IFI16: variants seen among roughly 807,000 people sequenced by gnomAD.
The protein encoded by IFI16 is interferon gamma inducible protein 16, also known as gamma-interferon-inducible protein 16.
IFI16 carries 49 observed loss-of-function variants against 68.4 expected under a neutral mutation model. The observed-to-expected ratio is 0.72, with a 90% confidence interval of 0.57 to 0.91. The LOEUF is 0.91. IFI16 is among the 40% of genes least tolerant of loss of function. The probability of loss-of-function intolerance (pLI) is 0.00; values close to 1 mark genes in which losing one functional copy is unlikely to be tolerated. For synonymous variants in IFI16, 307 were observed against 315.0 expected (o/e 0.97, Z 0.27); for missense variants, 878 against 942.9 (o/e 0.93, Z 0.90).
At chr1:159,031,518 G>A (rs1571864595) in intron 6 of IFI16, among the ~76,000 whole-genome samples, 1 of 152,292 alleles carries the variant, frequency 6.6e-6, no homozygotes, top group East Asian at 1.9e-4. Context: ...TCTTCCCGCT[G>A]CTTCCTCTAC....
intron 1 of IFI16, among the ~76,000 whole-genome samples, chr1:159,012,150 T>C (rs1449832942): frequency 6.6e-6 from 1 of 152,216 alleles, no homozygotes; most frequent in Non-Finnish European, 1.5e-5. Flanking sequence ...AGATGTTTTC[T>C]TGTGGTATGA....
rs902229712 is a variant in IFI16, at chr1:159,050,950, C to G, written c.1666-729C>G. On this transcript the variant is annotated intron_variant, in intron 9 of 11. Coordinates refer to ENST00000295809, the MANE Select transcript of IFI16 (RefSeq NM_001376587.1). ...TTTGCAATTTGGTTCTTTAAAATGC[C>G]CCTATCTACTAGAATGAGTTCCAAC... Among the ~76,000 whole-genome samples, 8 of 152,108 alleles carry G rather than the reference C, an allele frequency of 5.3e-5. No individual in the cohort carries two copies. In the East Asian group the frequency reaches 1.2e-3, roughly 22 times the overall value.
chr1:159,021,764 GT>G (rs1164558831), intron 6 of IFI16, among the ~76,000 whole-genome samples: 1 of 152,042 alleles, frequency 6.6e-6, no homozygotes, highest in Non-Finnish European at 1.5e-5. Flanking sequence ...GCCAGCGTCT[GT>G]TTTTTAAAAT....
At chr1:159,036,509 T>A (rs1654337517) in intron 7 of IFI16, among the ~76,000 whole-genome samples, 1 of 152,232 alleles carries the variant, frequency 6.6e-6, no homozygotes, top group South Asian at 2.1e-4. Context: ...AAATCCAGCC[T>A]TAATGAACTC....
intron 2 of IFI16, 76 bp downstream of exon 2, chr1:159,015,021 C>T (rs1428159766): frequency 3.0e-6 from 4 of 1,341,178 alleles, no homozygotes; most frequent in Admixed American, 2.3e-5. Flanking sequence ...AGCCCCACCT[C>T]GGACATACTT....
intron 6 of IFI16, among the ~76,000 whole-genome samples, chr1:159,031,739 T>C (rs549814540): frequency 1.3e-5 from 2 of 152,304 alleles, no homozygotes; most frequent in African/African-American, 2.4e-5. Context: ...AACGTGCCAT[T>C]TTGAATATTC....
rs1652452821 is a variant in IFI16 at position 159,010,089 on chromosome 1, A to T, written c.-93A>T. On this transcript the variant is annotated 5_prime_UTR_variant, in exon 1 of 12. Coordinates refer to ENST00000295809, the MANE Select transcript of IFI16 (RefSeq NM_001376587.1). ...TTTACTGATTTATCTCCCCCCTCAC[A>T]CAAATAAGCATTGATTCCTGCATTT... The T allele has an allele frequency of 1.3e-5, 2 of 151,076 alleles. No individual in the cohort carries two copies. The highest frequency in any genetic ancestry group is 2.9e-5 in the Non-Finnish European group (2 of 68,016). 9.4% of individuals were successfully genotyped at this position (151,076 alleles called of 1,614,324 possible). A position where few individuals can be genotyped will look rare whatever the true frequency, so the allele number is the denominator to read the frequency against.
intron 1 of IFI16, among the ~76,000 whole-genome samples, chr1:159,014,106 G>A (rs1317396181): frequency 6.6e-6 from 1 of 152,190 alleles, no homozygotes. Flanking sequence ...ACAGAGAACA[G>A]AAGCCATGGT....
intron 4 of IFI16, among the ~76,000 whole-genome samples, chr1:159,017,277 G>A (rs1034843325): frequency 6.6e-6 from 1 of 152,168 alleles, no homozygotes; most frequent in African/African-American, 2.4e-5. Flanking sequence ...AGTTTCTGCA[G>A]CCTGAACCTA....
At chr1:159,052,265 G>T (rs547902942) in intron 10 of IFI16, 167 bp downstream of exon 10, 3 of 597,212 alleles carry the variant, frequency 5.0e-6, no homozygotes, top group East Asian at 5.5e-5. Context: ...AGGATATGGG[G>T]TACGTTATAT....
intron 5 of IFI16, among the ~76,000 whole-genome samples, chr1:159,019,294 C>T (rs1478627973): frequency 2.0e-5 from 3 of 151,046 alleles, no homozygotes; most frequent in Non-Finnish European, 4.4e-5. Flanking sequence ...AGTGCTTTTC[C>T]TGATATGTTC....
chr1:159,047,022 G>A (rs928326458), intron 8 of IFI16, among the ~76,000 whole-genome samples: 2 of 151,088 alleles, frequency 1.3e-5, no homozygotes, highest in East Asian at 3.9e-4. Flanking sequence ...ACCTCTGTAT[G>A]ACCTACAATC....
rs150530971 is a variant in IFI16 at position 159,014,531 on chromosome 1, C to A, written c.-20-130C>A. On this transcript the variant is annotated intron_variant, in intron 1 of 11. Transcript: ENST00000295809. The stretch of plus-strand genomic sequence containing the variant: ...CAATTTCTACAGTAACACATTTGGT[C>A]GTTGAGTCCTTCTTTATCACACATA... 296 of 544,936 alleles carry A rather than the reference C, an allele frequency of 5.4e-4. 2 individuals are homozygous for A. In the East Asian group the frequency reaches 8.4e-3, roughly 15 times the overall value. 33.8% of individuals were successfully genotyped at this position (544,936 alleles called of 1,614,324 possible). A position where few individuals can be genotyped will look rare whatever the true frequency, so the allele number is the denominator to read the frequency against.
At chr1:159,042,448 T>C (rs2814771) in intron 7 of IFI16, among the ~76,000 whole-genome samples, 122,502 of 152,154 alleles carry the variant, frequency 0.81, 50,093 homozygotes, top group Admixed American at 0.9. Flanking sequence ...CTTTCTCCTT[T>C]GCTCTCTCAC....
chr1:159,053,790 C>A, intron 11 of IFI16, 66 bp downstream of exon 11: 2 of 1,218,706 alleles, frequency 1.6e-6, no homozygotes, highest in Non-Finnish European at 1.2e-6. Context: ...TTTAAGAAGA[C>A]TAGACTGCTA....
At chr1:159,053,081 G>T (rs1329166510) in intron 10 of IFI16, 2 of 153,410 alleles carry the variant, frequency 1.3e-5, no homozygotes, top group Non-Finnish European at 2.9e-5. Flanking sequence ...GGAGAAGAAA[G>T]AAGTAGTTAC....
rs1401500663 is a variant in IFI16 at position 159,053,721 on chromosome 1, C to G, written c.2274C>G (p.Ile758Met). The G allele has an allele frequency of 6.2e-7, 1 of 1,611,656 alleles. No individual in the cohort carries two copies. The highest frequency in any genetic ancestry group is 1.7e-5 in the Admixed American group (1 of 59,940). The change falls in exon 11 of 12, where the codon ATC (isoleucine) becomes ATG (methionine). Residue 758 changes from isoleucine to methionine, a missense_variant. Around this residue, in one of 4 missense-constraint regions of IFI16, gnomAD observed 311 missense variants for 305.1 expected, o/e 1.02. Coordinates refer to ENST00000295809, the MANE Select transcript of IFI16 (RefSeq NM_001376587.1). ...TGAGATCTGTAATTCATAGTCACAT[C>G]AAGGTTGGAACTTTATAGGAACATC... ...GELRSVIHSH[I>M]KVIKTRKNKK...
rs1653233392 is a variant in IFI16, at chr1:159,020,383, G to A, written c.1015G>A (p.Asp339Asn). The A allele has an allele frequency of 6.2e-7, 1 of 1,612,400 alleles. No homozygotes were observed. The highest frequency in any genetic ancestry group is 8.5e-7 in the Non-Finnish European group (1 of 1,179,174). Reference sequence around the variant, plus strand: ...GACCACAATCTACGAAATTCAGGATGATAGAGGAAAAATGGATGTAGTGGG... The same window carrying A: ...GACCACAATCTACGAAATTCAGGATAATAGAGGAAAAATGGATGTAGTGGG... ...QKTTIYEIQD[D>N]RGKMDVVGTG... is the part of the protein sequence containing the mutation. The change falls in exon 6 of 12, where the codon GAT (aspartate) becomes AAT (asparagine). Residue 339 changes from aspartate to asparagine, a missense_variant. By Grantham distance (23) the Asp-to-Asn change is conservative (BLOSUM62 1). Around this residue, in one of 4 missense-constraint regions of IFI16, gnomAD observed 443 missense variants for 421.8 expected, o/e 1.05. Coordinates refer to ENST00000295809, the MANE Select transcript of IFI16 (RefSeq NM_001376587.1).
chr1:159,000,972 G>A (rs149539206), upstream of IFI16, among the ~76,000 whole-genome samples: 16 of 152,314 alleles, frequency 1.1e-4, no homozygotes, highest in East Asian at 2.9e-3. Context: ...TCAATATGTT[G>A]AGGTAGGGGA....
Sources: gnomAD v4.1 joint callset for allele counts (sites outside exome capture counted in the v4.1 genomes callset) on GRCh38, gnomAD v4.1.1 for gene constraint, gnomAD v4.1.1 regional missense constraint, MANE v1.5 for transcripts, NCBI Gene and HGNC (gene_info 2026-07-23, HGNC 2026-07-21) for gene names.